CACNA2D4: variants seen among roughly 807,000 people sequenced by gnomAD.
The protein encoded by CACNA2D4 is voltage-dependent calcium channel subunit alpha-2/delta-4.
CACNA2D4 carries 157 observed loss-of-function variants against 163.8 expected under a neutral mutation model. The ratio of observed to expected loss-of-function variants is 0.96; its 90% CI spans 0.84 to 1.09. The LOEUF (loss-of-function observed/expected upper bound fraction) is 1.09, where lower values mean the gene tolerates loss of function less well. Among genes scored for constraint, CACNA2D4 ranks in the 50% least tolerant of loss-of-function variants. The pLI, the probability that CACNA2D4 is intolerant of heterozygous loss-of-function variation, is 0.00. For synonymous variants in CACNA2D4, 598 were observed against 586.9 expected, an observed-to-expected ratio of 1.02 and a Z score of -0.27; for missense variants, 1,410 against 1,479.9, an observed-to-expected ratio of 0.95 and a Z score of 0.78.
chr12:1,898,249 C>T (rs1043204658), intron 6 of CACNA2D4, among the ~76,000 whole-genome samples: 2 of 151,940 alleles, frequency 1.3e-5, no homozygotes, highest in Non-Finnish European at 1.5e-5. Context: ...AATTAAAAAC[C>T]TGTATGTATC....
chr12:1,821,314 C>A (rs1864090922), intron 26 of CACNA2D4, among the ~76,000 whole-genome samples: 1 of 152,170 alleles, frequency 6.6e-6, no homozygotes, highest in South Asian at 2.1e-4. Flanking sequence ...GAGGCATGGG[C>A]ACAGACCCAG....
chr12:1,861,664 A>G (rs993189236), intron 18 of CACNA2D4, among the ~76,000 whole-genome samples: 2 of 152,014 alleles, frequency 1.3e-5, no homozygotes, highest in Non-Finnish European at 2.9e-5. Context: ...GATGATCTCA[A>G]ACTCCTGACC....
chr12:1,818,311 G>A (rs1313206605), intron 26 of CACNA2D4, among the ~76,000 whole-genome samples: 2 of 151,930 alleles, frequency 1.3e-5, no homozygotes, highest in Non-Finnish European at 2.9e-5. Flanking sequence ...TGACAATGGT[G>A]GCTTTGTGGA....
intron 4 of CACNA2D4, 128 bp downstream of exon 4, chr12:1,909,778 G>A (rs1866768130): frequency 6.8e-6 from 5 of 733,310 alleles, no homozygotes; most frequent in Admixed American, 4.3e-5. Flanking sequence ...TGCCTGTGAG[G>A]GGTGAGCAGT....
chr12:1,874,506 C>G lies in CACNA2D4; in HGVS notation c.1878+98G>C. ...GTGCAGCAAGCACTCAACTCTTCAG[C>G]TATAATTAGGCTAAGTCCAGGTCCC... On this transcript the variant is annotated intron_variant, in intron 18 of 37. Coordinates refer to ENST00000382722, the MANE Select transcript of CACNA2D4 (RefSeq NM_172364.5). This position sits in a 1 kb window ranked among gnomAD's most constrained non-coding sequence, Gnocchi z 4.4. 1 of 799,380 alleles carries G rather than the reference C, an allele frequency of 1.3e-6. No homozygotes were observed. Among genetic ancestry groups the G allele is most frequent in the East Asian group, 2.5e-5 (1 of 40,034 alleles). The allele number at this position is 799,380 out of a possible 1,614,324, so 49.5% of individuals were successfully genotyped here.
intron 36 of CACNA2D4, 65 bp from the exon 37 acceptor site, chr12:1,795,446 G>C: frequency 6.7e-7 from 1 of 1,481,712 alleles, no homozygotes; most frequent in Non-Finnish European, 9.2e-7. Flanking sequence ...CTGGAAAAAG[G>C]TCTGGAAGAA....
In CACNA2D4 at chr12:1,848,762, A is replaced by AATTATTATTATTATTATTATTATT. The variant is rs146412961; in HGVS notation, c.2247-2074_2247-2073insAATAATAATAATAATAATAATAAT. ...TATTTCATATGTTTTAACCCATTGC[A>AATTATTATTATTATTATTATTATT]ATTATTATTATTATTATTATTTTTA... On this transcript the variant is annotated intron_variant, in intron 23 of 37. Transcript: ENST00000382722. Among the ~76,000 whole-genome samples the AATTATTATTATTATTATTATTATT allele has an allele frequency of 3.8e-3, 566 of 147,366 alleles. 3 individuals are homozygous for AATTATTATTATTATTATTATTATT. Among genetic ancestry groups the AATTATTATTATTATTATTATTATT allele is most frequent in the African/African-American group, 0.013 (528 of 40,276 alleles).
At chr12:1,915,919 C>T (rs1021452571) in intron 1 of CACNA2D4, among the ~76,000 whole-genome samples, 2 of 152,202 alleles carry the variant, frequency 1.3e-5, no homozygotes, top group African/African-American at 4.8e-5. Flanking sequence ...CAGTCCCCAC[C>T]CTTGCAGGGA....
chr12:1,815,651 C>A (rs1367523986), intron 26 of CACNA2D4, among the ~76,000 whole-genome samples: 1 of 144,250 alleles, frequency 6.9e-6, no homozygotes, highest in African/African-American at 2.9e-5. Flanking sequence ...GCTACGTAAG[C>A]AAATTCAATT....
chr12:1,846,674 C>A lies in CACNA2D4; in HGVS notation c.2262G>T (p.Val754=). 6.3e-7 allele frequency: 1 copy of A among 1,599,708 alleles called. No individual in the cohort carries two copies. The highest frequency in any genetic ancestry group is 2.3e-5 in the East Asian group (1 of 44,354). ...ALNMSEESEH[V]VDMAFLGTRA... Reference sequence around the variant, plus strand: ...GGGTGCCCAGGAAGGCCATGTCCACCACGTGTTCAGACTCCCTGTGTGGCA... The same window carrying A: ...GGGTGCCCAGGAAGGCCATGTCCACAACGTGTTCAGACTCCCTGTGTGGCA... The change falls in exon 24 of 38, where the codon GTG becomes GTT. Residue 754 remains valine, a synonymous_variant. Transcript: ENST00000382722.
chr12:1,821,179 C>T (rs952049670), intron 26 of CACNA2D4, among the ~76,000 whole-genome samples: 1 of 152,208 alleles, frequency 6.6e-6, no homozygotes, highest in African/African-American at 2.4e-5. Context: ...CGGCTCTGCA[C>T]AGACAGCCCC....
At chr12:1,911,958 C>T (rs574373070) in intron 3 of CACNA2D4, among the ~76,000 whole-genome samples, 1 of 152,330 alleles carries the variant, frequency 6.6e-6, no homozygotes, top group Non-Finnish European at 1.5e-5. Flanking sequence ...CTTGAGTCCC[C>T]AGGCATCTTC....
At position 1,854,898 on chromosome 12, in the gene CACNA2D4, T is replaced by C. The variant is rs541948654; in HGVS notation, c.2153-854A>G. 4.9e-4 allele frequency among the ~76,000 whole-genome samples: 75 copies of C among 152,214 alleles called. 2 individuals are homozygous for C. Among genetic ancestry groups the C allele is most frequent in the Non-Finnish European group, 9.4e-4 (64 of 68,034 alleles). ...AAATGAAACTGACCAATTTAAAGTA[T>C]GCAATTCAGTCAGCGGCATTTAGTA... On this transcript the variant is annotated intron_variant, in intron 22 of 37. Coordinates refer to ENST00000382722, the MANE Select transcript of CACNA2D4 (RefSeq NM_172364.5).
intron 6 of CACNA2D4, among the ~76,000 whole-genome samples, chr12:1,907,039 T>C (rs1866675450): frequency 6.6e-6 from 1 of 152,266 alleles, no homozygotes; most frequent in Non-Finnish European, 1.5e-5. Flanking sequence ...AGCCACAGAG[T>C]GTGGCCTGTG....
chr12:1,865,373 C>T (rs902390565), intron 18 of CACNA2D4, among the ~76,000 whole-genome samples: 7 of 152,210 alleles, frequency 4.6e-5, no homozygotes, highest in African/African-American at 7.2e-5. Flanking sequence ...GTAAACAAAA[C>T]TCATGAGCTG....
chr12:1,863,979 G>A (rs529207867), intron 18 of CACNA2D4, among the ~76,000 whole-genome samples: 9 of 152,342 alleles, frequency 5.9e-5, no homozygotes, highest in African/African-American at 2.2e-4. Context: ...AAATGCGGGA[G>A]GACATGCCAC....
At position 1,834,940 on chromosome 12, in the gene CACNA2D4, C is replaced by G. The variant is rs1046280844; in HGVS notation, c.2551+5799G>C. On this transcript the variant is annotated intron_variant, in intron 26 of 37. Coordinates refer to ENST00000382722, the MANE Select transcript of CACNA2D4 (RefSeq NM_172364.5). This position sits in a 1 kb window ranked among gnomAD's most constrained non-coding sequence, Gnocchi z 7.6. Reference sequence around the variant, plus strand: ...CTCCTGCTGATGCTCCTGTCTGGGCCAGTAAATCTTTGGAACATGTGGGGG... The same window carrying G: ...CTCCTGCTGATGCTCCTGTCTGGGCGAGTAAATCTTTGGAACATGTGGGGG... The G allele has an allele frequency of 1.2e-6, 1 of 819,726 alleles. No homozygotes were observed. The highest frequency in any genetic ancestry group is 1.7e-5 in the African/African-American group (1 of 57,840). 50.8% of individuals were successfully genotyped at this position (819,726 alleles called of 1,614,324 possible).
intron 31 of CACNA2D4, 81 bp downstream of exon 31, chr12:1,800,962 C>T: frequency 2.2e-6 from 3 of 1,344,708 alleles, no homozygotes; most frequent in East Asian, 2.3e-5. Flanking sequence ...TGGGTGAGAA[C>T]AGGGACCAGT....
chr12:1,907,504 C>T lies in CACNA2D4; in HGVS notation c.717G>A (p.Gln239=). Residue 239 remains glutamine, a synonymous_variant, in exon 6 of 38, where the codon CAG becomes CAA. Transcript: ENST00000382722. ...ATTGCCAGGTCAACGTTGGGTCTCT[C>T]TGGAAGTTCTCCACGAAGACAGCAT... ...ALNAVFVENF[Q]RDPTLTWQYF... The T allele has an allele frequency of 6.2e-7, 1 of 1,613,886 alleles. No homozygotes were observed. The highest frequency in any genetic ancestry group is 2.2e-5 in the East Asian group (1 of 44,890).
Sources: gnomAD v4.1 joint callset for allele counts (sites outside exome capture counted in the v4.1 genomes callset) on GRCh38, gnomAD v4.1.1 for gene constraint, Gnocchi (gnomAD v3.1) non-coding constraint, MANE v1.5 for transcripts, NCBI Gene and HGNC (gene_info 2026-07-23, HGNC 2026-07-21) for gene names.